Variants in RABGAP1 observed in about 807,000 individuals in gnomAD.
RABGAP1 encodes RAB GTPase activating protein 1.
RABGAP1 carries 23 observed loss-of-function variants against 137.6 expected under a neutral mutation model. The ratio of observed to expected loss-of-function variants is 0.17; its 90% CI spans 0.12 to 0.24. The LOEUF (loss-of-function observed/expected upper bound fraction) is 0.24. Ranked by LOEUF, RABGAP1 falls within the 10% of genes least tolerant of loss-of-function variation. The pLI, the probability that RABGAP1 is intolerant of heterozygous loss-of-function variation, is 1.00. For missense variants in RABGAP1, 906 were observed against 1,275.8 expected (o/e 0.71, Z 4.42); for synonymous variants, 451 against 450.7 (o/e 1.00, Z -0.01).
chr9:123,058,208 CTGG>C (rs1273132543), intron 13 of RABGAP1, among the ~76,000 whole-genome samples: 1 of 152,144 alleles, frequency 6.6e-6, no homozygotes, highest in Non-Finnish European at 1.5e-5. Context: ...TATCCCAAAG[CTGG>C]AGATTTTGGC....
chr9:123,009,265 C>A (rs929783630), intron 10 of RABGAP1, among the ~76,000 whole-genome samples: 2 of 152,234 alleles, frequency 1.3e-5, no homozygotes. Context: ...TTACTGACTT[C>A]TGTATTAAAC....
intron 19 of RABGAP1, among the ~76,000 whole-genome samples, chr9:123,077,779 G>A (rs183657047): frequency 6.6e-6 from 1 of 151,988 alleles, no homozygotes; most frequent in East Asian, 1.9e-4. Flanking sequence ...GCTCACTGTA[G>A]CCTCAACCTC....
rs1327908399 is a variant in RABGAP1, at chr9:122,984,668, G to T, written c.334G>T (p.Val112Leu). 3 of 1,614,194 alleles carry T rather than the reference G, an allele frequency of 1.9e-6. No homozygotes were observed. Among genetic ancestry groups the T allele is most frequent in the Admixed American group, 3.3e-5 (2 of 60,022 alleles). ...ATCCACCATTAACCCTGTGCCATTA[G>T]TAGGGCTCCAAAAACCAGAGATGAG... Reference protein sequence around the residue: ...ASSTINPVPLVGLQKPEMSLP... With the variant: ...ASSTINPVPLLGLQKPEMSLP... The change falls in exon 3 of 26, where the codon GTA becomes TTA. Residue 112 changes from valine (V) to leucine (L), a missense_variant. Val to Leu is a conservative substitution (Grantham distance 32). Coordinates refer to ENST00000373647, the MANE Select transcript of RABGAP1 (RefSeq NM_012197.4).
intron 13 of RABGAP1, among the ~76,000 whole-genome samples, chr9:123,058,004 C>T (rs1411699781): frequency 1.4e-5 from 2 of 147,992 alleles, no homozygotes; most frequent in Non-Finnish European, 3.0e-5. Flanking sequence ...ACGGCAGCAG[C>T]ACAGTCCAGC....
intron 2 of RABGAP1, among the ~76,000 whole-genome samples, chr9:122,963,656 A>G (rs1834974160): frequency 2.0e-5 from 3 of 152,206 alleles, no homozygotes. Context: ...AAGTGCCTAT[A>G]TTAAGAAAGA....
chr9:123,029,566 G>A (rs2032183746), intron 13 of RABGAP1: 1 of 759,802 alleles, frequency 1.3e-6, no homozygotes, highest in African/African-American at 1.7e-5. Flanking sequence ...GTTTATAGTT[G>A]GGAACTTCCT....
At chr9:123,034,297 G>T (rs2032482565) in intron 13 of RABGAP1, 1 of 487,820 alleles carries the variant, frequency 2.0e-6, no homozygotes, top group Middle Eastern at 5.2e-4. Flanking sequence ...TGCTCCCCTG[G>T]TGCTATGTGT....
chr9:123,043,293 A>G (rs552312086), intron 13 of RABGAP1, among the ~76,000 whole-genome samples: 1 of 152,330 alleles, frequency 6.6e-6, no homozygotes, highest in Admixed American at 6.5e-5. Flanking sequence ...TACGAAAGCA[A>G]CTATGCAGGA....
At position 123,045,965 on chromosome 9, in the gene RABGAP1, A is replaced by G. The variant is rs780465202; in HGVS notation, c.1795-19383A>G. 5.9e-4 allele frequency among the ~76,000 whole-genome samples: 90 copies of G among 152,308 alleles called. 1 individual carries two copies. The highest frequency in any genetic ancestry group is 4.6e-4 in the Admixed American group (7 of 15,298). On this transcript the variant is annotated intron_variant, in intron 13 of 25. Coordinates refer to ENST00000373647, the MANE Select transcript of RABGAP1 (RefSeq NM_012197.4). ...GCCACACAGAGGTCAGATTCTTCCA[A>G]TGACTTCCAGGTCCTGCAAATTGGC...
chr9:123,104,564 GT>G lies in RABGAP1; in HGVS notation c.*1355del, dbSNP rs1194136086. ...TTTTGTATATAAAGACACTCGGGTT[GT>G]TTTGTAGCTCTTTTTCTTATTGGCT... On this transcript the variant is annotated 3_prime_UTR_variant, in exon 26 of 26. Transcript: ENST00000373647. 6.6e-6 allele frequency: 1 copy of G among 152,564 alleles called. No individual in the cohort carries two copies. Among genetic ancestry groups the G allele is most frequent in the African/African-American group, 2.4e-5 (1 of 41,452 alleles). 9.5% of individuals were successfully genotyped at this position (152,564 alleles called of 1,614,324 possible).
At chr9:122,966,800 G>A in intron 2 of RABGAP1, among the ~76,000 whole-genome samples, 1 of 152,136 alleles carries the variant, frequency 6.6e-6, no homozygotes, top group Non-Finnish European at 1.5e-5. Flanking sequence ...CCACACATCT[G>A]GGGAGGCCTC....
chr9:123,042,113 T>C (rs2032981607), intron 13 of RABGAP1, among the ~76,000 whole-genome samples: 3 of 152,272 alleles, frequency 2.0e-5, no homozygotes, highest in South Asian at 4.1e-4. Flanking sequence ...TGTAAGAAAG[T>C]CTGTGTGTTA....
intron 13 of RABGAP1, among the ~76,000 whole-genome samples, chr9:123,024,502 C>T (rs1200155961): frequency 4.0e-5 from 6 of 151,232 alleles, no homozygotes; most frequent in Non-Finnish European, 5.9e-5. Flanking sequence ...TACAGTGGCA[C>T]GATCTCAGCT....
intron 13 of RABGAP1, among the ~76,000 whole-genome samples, chr9:123,026,280 T>C (rs1469969109): frequency 6.6e-6 from 1 of 152,150 alleles, no homozygotes; most frequent in Non-Finnish European, 1.5e-5. Flanking sequence ...GCCAAAATAG[T>C]GCCACTGCAC....
chr9:123,035,398 A>G (rs748588625), intron 13 of RABGAP1: 1 of 1,613,986 alleles, frequency 6.2e-7, no homozygotes, highest in Non-Finnish European at 8.5e-7. Context: ...GGAAAGCTCC[A>G]CTGGCCACAG....
chr9:123,017,022 C>CA (rs1485398907), intron 12 of RABGAP1, among the ~76,000 whole-genome samples: 3 of 152,166 alleles, frequency 2.0e-5, no homozygotes, highest in East Asian at 1.9e-4. Flanking sequence ...ATGAACTCTG[C>CA]AAAAAAACCA....
chr9:122,986,918 A>G (rs1324021697), intron 4 of RABGAP1, among the ~76,000 whole-genome samples: 1 of 152,076 alleles, frequency 6.6e-6, no homozygotes, highest in Non-Finnish European at 1.5e-5. Context: ...ACTTAAGTTC[A>G]GGGGTTCGAG....
At chr9:123,022,721 G>A (rs1393183886) in intron 13 of RABGAP1, among the ~76,000 whole-genome samples, 1 of 151,922 alleles carries the variant, frequency 6.6e-6, no homozygotes, top group Non-Finnish European at 1.5e-5. Flanking sequence ...ATTTTTTAAT[G>A]AATATATATT....
At chr9:123,042,115 T>C (rs1438757791) in intron 13 of RABGAP1, among the ~76,000 whole-genome samples, 2 of 152,220 alleles carry the variant, frequency 1.3e-5, no homozygotes, top group Non-Finnish European at 2.9e-5. Context: ...TAAGAAAGTC[T>C]GTGTGTTAAA....
Sources: allele counts gnomAD v4.1 joint callset (sites outside exome capture counted in the v4.1 genomes callset), GRCh38; gene constraint gnomAD v4.1.1; transcripts MANE v1.5; gene names NCBI Gene and HGNC (gene_info 2026-07-23, HGNC 2026-07-21).